Variants in LRP1 observed in about 807,000 individuals in gnomAD.
The protein encoded by LRP1 is prolow-density lipoprotein receptor-related protein 1.
LRP1 carries 51 observed loss-of-function variants against 541.5 expected under a neutral mutation model. The ratio of observed to expected loss-of-function variants is 0.09; its 90% confidence interval spans 0.08 to 0.12. The LOEUF is 0.12. Among genes scored for constraint, LRP1 ranks in the 10% least tolerant of loss-of-function variants. The probability of loss-of-function intolerance (pLI) is 1.00; values close to 1 mark genes in which losing one functional copy is unlikely to be tolerated. For synonymous variants in LRP1, 2,219 were observed against 2,470.8 expected (o/e 0.90, Z 3.02); for missense variants, 3,878 against 6,376.2 (o/e 0.61, Z 13.34).
chr12:57,187,580 C>T (rs1420175671), intron 42 of LRP1, 124 bp downstream of exon 42: 4 of 932,442 alleles, frequency 4.3e-6, no homozygotes, highest in Non-Finnish European at 6.3e-6. Flanking sequence ...CCACCCTTCC[C>T]TGCTGTGTGA....
At chr12:57,209,032 C>T (rs7956957) in intron 78 of LRP1, 51 bp from the exon 79 acceptor site, 2 of 1,472,126 alleles carry the variant, frequency 1.4e-6, no homozygotes, top group African/African-American at 1.4e-5. Context: ...CTTTCCACCC[C>T]GAGCCTGGGT....
At chr12:57,138,161 A>C (rs2035213437) in intron 1 of LRP1, among the ~76,000 whole-genome samples, 1 of 152,142 alleles carries the variant, frequency 6.6e-6, no homozygotes, top group African/African-American at 2.4e-5. Flanking sequence ...GTGTCTGATG[A>C]GAGTAACCAA....
chr12:57,204,258 CCCA>C lies in LRP1; in HGVS notation c.10952-148_10952-146del. 1.1e-6 allele frequency: 1 copy of C among 927,352 alleles called. No individual in the cohort carries two copies. The highest frequency in any genetic ancestry group is 2.7e-5 in the East Asian group (1 of 37,198). The allele number at this position is 927,352 out of a possible 1,614,324, so 57.4% of individuals were successfully genotyped here. On this transcript the variant is annotated intron_variant, in intron 70 of 88. Transcript: ENST00000243077. The surrounding 1 kb of genome is among the most constrained non-coding windows in gnomAD (Gnocchi z 5.3). Reference sequence around the variant, plus strand: ...TAAATACCAGAGGGGGCAGTTTGGCCCCACCAAGTAGAAATTTAAGAGACCTGG... The same window carrying C: ...TAAATACCAGAGGGGGCAGTTTGGCCCCAAGTAGAAATTTAAGAGACCTGG...
At chr12:57,132,670 CCT>C (rs1214730486) in intron 1 of LRP1, among the ~76,000 whole-genome samples, 1 of 152,026 alleles carries the variant, frequency 6.6e-6, no homozygotes, top group Admixed American at 6.6e-5. Flanking sequence ...CTTTTTAGAA[CCT>C]CTCTGTCTCT....
intron 11 of LRP1, among the ~76,000 whole-genome samples, chr12:57,159,596 T>C (rs1483155586): frequency 6.6e-6 from 1 of 152,064 alleles, no homozygotes; most frequent in African/African-American, 2.4e-5. Flanking sequence ...CTGCCACGTG[T>C]GGTTTTGAGA....
intron 70 of LRP1, chr12:57,203,944 G>C (rs2036712106): frequency 5.0e-6 from 1 of 199,572 alleles, no homozygotes; most frequent in Non-Finnish European, 1.0e-5. Context: ...CAGTACAGAG[G>C]GGGCAGGTGA....
chr12:57,159,631 C>T (rs959785893), intron 11 of LRP1, among the ~76,000 whole-genome samples, 194 bp from the exon 12 acceptor site: 28 of 152,218 alleles, frequency 1.8e-4, no homozygotes, highest in Admixed American at 3.3e-4. Context: ...CAAATGGCAG[C>T]ACACAGGGCT....
intron 20 of LRP1, among the ~76,000 whole-genome samples, chr12:57,169,691 CG>C (rs2035908490): frequency 6.6e-6 from 1 of 152,162 alleles, no homozygotes; most frequent in Non-Finnish European, 1.5e-5. Flanking sequence ...AGATCACGCA[CG>C]AAAAGTGCTC....
Position 57,201,511 on chromosome 12 carries a change from G to A in LRP1, c.10360G>A (p.Ala3454Thr), listed in dbSNP as rs149436792. ...CCACCCCACAGCCGAGGTGACCTGC[G>A]CCCCCAACCAGTTCCAGTGCTCCAT... ...DERDCPEVTC[A>T]PNQFQCSITK... is the part of the protein sequence containing the mutation. Residue 3454 changes from alanine (A) to threonine (T), a missense_variant, in exon 66 of 89, where the codon GCC (alanine) becomes ACC (threonine). Ala to Thr is a moderately conservative substitution (Grantham distance 58). Around this residue, in one of 13 missense-constraint regions of LRP1, gnomAD observed 278 missense variants for 536.3 expected, o/e 0.52. Coordinates refer to ENST00000243077, the MANE Select transcript of LRP1 (RefSeq NM_002332.3). This position sits in a 1 kb window ranked among gnomAD's most constrained non-coding sequence, Gnocchi z 6.4. 25 of 1,613,022 alleles carry A rather than the reference G, an allele frequency of 1.5e-5. No homozygotes were observed. The highest frequency in any genetic ancestry group is 4.5e-5 in the East Asian group (2 of 44,860).
At chr12:57,167,118 G>A in intron 18 of LRP1, 72 bp downstream of exon 18, 3 of 1,323,506 alleles carry the variant, frequency 2.3e-6, no homozygotes, top group Non-Finnish European at 3.2e-6. Context: ...CCAGTTGGGG[G>A]TGCCGGAGAC....
At chr12:57,186,654 A>G (rs924966503) in intron 41 of LRP1, among the ~76,000 whole-genome samples, 2 of 152,196 alleles carry the variant, frequency 1.3e-5, no homozygotes, top group Non-Finnish European at 2.9e-5. Context: ...TCGGTACTCC[A>G]TGCTCGTAGC....
intron 3 of LRP1, 116 bp downstream of exon 3, chr12:57,141,627 C>G: frequency 3.8e-6 from 5 of 1,299,550 alleles, no homozygotes; most frequent in African/African-American, 1.5e-5. Context: ...GGTCCCCTGC[C>G]TAGATTTACC....
In LRP1 at chr12:57,175,450, C is replaced by A. The variant is rs1245402631; in HGVS notation, c.3548-10C>A. On this transcript the variant is annotated splice_polypyrimidine_tract_variant and intron_variant, in intron 22 of 88. Transcript: ENST00000243077. The stretch of plus-strand genomic sequence containing the variant: ...ACCCTGGGTCTGTTCCATGCCTGCC[C>A]CTCCCCTAGACCAGTGCTCTCTGAA... 6.2e-7 allele frequency: 1 copy of A among 1,612,346 alleles called. No homozygotes were observed. The highest frequency in any genetic ancestry group is 1.3e-5 in the African/African-American group (1 of 75,056).
At chr12:57,151,906 T>C (rs2035533624) in intron 6 of LRP1, among the ~76,000 whole-genome samples, 1 of 152,184 alleles carries the variant, frequency 6.6e-6, no homozygotes, top group African/African-American at 2.4e-5. Flanking sequence ...AAAGGATTTT[T>C]GCTTGCAACT....
chr12:57,177,287 C>A lies in LRP1; in HGVS notation c.4196+42C>A, dbSNP rs200529086. 6.9e-6 allele frequency: 11 copies of A among 1,604,418 alleles called. No individual in the cohort carries two copies. The African/African-American group carries it at 1.5e-4, about 21-fold the overall frequency. On this transcript the variant is annotated intron_variant, in intron 25 of 88. Coordinates refer to ENST00000243077, the MANE Select transcript of LRP1 (RefSeq NM_002332.3). The surrounding 1 kb of genome is among the most constrained non-coding windows in gnomAD (Gnocchi z 6.8). The stretch of plus-strand genomic sequence containing the variant: ...GCCTTCTCCTGGCCCCATGGCCCCC[C>A]TGAAGTCCCATTCAGCCTGGCCAGG...
At chr12:57,148,208 T>C (rs1318546882) in intron 6 of LRP1, among the ~76,000 whole-genome samples, 3 of 152,096 alleles carry the variant, frequency 2.0e-5, no homozygotes, top group East Asian at 3.9e-4. Context: ...TGATATGCAT[T>C]AGGAAACTCC....
chr12:57,205,539 C>T lies in LRP1; in HGVS notation c.11471-19C>T, dbSNP rs942758628. On this transcript the variant is annotated intron_variant, in intron 74 of 88. Transcript: ENST00000243077. This position sits in a 1 kb window ranked among gnomAD's most constrained non-coding sequence, Gnocchi z 4.6. ...ACACCCCAACTGTGGACTCTCATGACCCTCCCTGTAACCCTTAGACATCAA... is the reference window on the plus strand; with the variant it reads ...ACACCCCAACTGTGGACTCTCATGATCCTCCCTGTAACCCTTAGACATCAA... The T allele has an allele frequency of 6.2e-7, 1 of 1,613,970 alleles. No individual in the cohort carries two copies. The highest frequency in any genetic ancestry group is 8.5e-7 in the Non-Finnish European group (1 of 1,179,982).
In LRP1 at chr12:57,178,161, T is replaced by G. The variant is rs1592635026; in HGVS notation, c.4362-198T>G. Among the ~76,000 whole-genome samples the G allele has an allele frequency of 6.6e-6, 1 of 151,728 alleles. No homozygotes were observed. The highest frequency in any genetic ancestry group is 6.6e-5 in the Admixed American group (1 of 15,252). On this transcript the variant is annotated intron_variant, in intron 26 of 88. Coordinates refer to ENST00000243077, the MANE Select transcript of LRP1 (RefSeq NM_002332.3). The surrounding 1 kb of genome is among the most constrained non-coding windows in gnomAD (Gnocchi z 5.8). ...GGCTTGGGAATCGGGGCCTGAGAGG[T>G]GAAACCTGGACCTGTTGGGTTCTCA...
At chr12:57,139,934 C>A in intron 2 of LRP1, among the ~76,000 whole-genome samples, 2 of 152,138 alleles carry the variant, frequency 1.3e-5, no homozygotes, top group Non-Finnish European at 2.9e-5. Flanking sequence ...ACAGCCACAC[C>A]ATCAGTTGTG....
Sources: gnomAD v4.1 joint callset for allele counts (sites outside exome capture counted in the v4.1 genomes callset) on GRCh38, gnomAD v4.1.1 for gene constraint, gnomAD v4.1.1 regional missense constraint, Gnocchi (gnomAD v3.1) non-coding constraint, MANE v1.5 for transcripts, NCBI Gene and HGNC (gene_info 2026-07-23, HGNC 2026-07-21) for gene names.